IQSEC1: variants seen among roughly 807,000 people sequenced by gnomAD.
The protein encoded by IQSEC1 is IQ motif and SEC7 domain-containing protein 1.
Under a neutral mutation model 91.0 loss-of-function variants are expected in IQSEC1, and 31 were observed. The ratio of observed to expected loss-of-function variants is 0.34; its 90% CI spans 0.26 to 0.46. The LOEUF (loss-of-function observed/expected upper bound fraction) is 0.46. Ranked by LOEUF, IQSEC1 falls within the 20% of genes least tolerant of loss-of-function variation. The pLI is 1.00. For synonymous variants in IQSEC1, 699 were observed against 662.6 expected (o/e 1.05, Z -0.84); for missense variants, 1,388 against 1,575.6 (o/e 0.88, Z 2.02).
rs756743142 is a variant in IQSEC1 at position 12,908,879 on chromosome 3, AGGAGTAGACCTGGAGCCAG to A, written c.2579-373_2579-355del. On this transcript the variant is annotated intron_variant, in intron 11 of 13. Transcript: ENST00000613206. The surrounding 1 kb of genome is among the most constrained non-coding windows in gnomAD (Gnocchi z 4.9). ...TGGTAGGGAGTCCCATGTGCCTCCA[AGGAGTAGACCTGGAGCCAG>A]GGAGTAGACCTGGAGCCAGGGATGG... is the stretch of plus-strand genomic sequence containing the variant. Among the ~76,000 whole-genome samples the A allele has an allele frequency of 1.4e-4, 22 of 152,004 alleles. No homozygotes were observed. Among genetic ancestry groups the A allele is most frequent in the Middle Eastern group, 3.4e-3 (1 of 294 alleles).
At chr3:13,003,825 A>G (rs1379259896) in intron 1 of IQSEC1, among the ~76,000 whole-genome samples, 1 of 152,222 alleles carries the variant, frequency 6.6e-6, no homozygotes, top group African/African-American at 2.4e-5. Context: ...GTTATGTAAG[A>G]GAATGTCCTT....
At chr3:12,950,170 C>T (rs967009397) in intron 1 of IQSEC1, among the ~76,000 whole-genome samples, 1 of 152,212 alleles carries the variant, frequency 6.6e-6, no homozygotes, top group Non-Finnish European at 1.5e-5. Context: ...AAAATGGAGG[C>T]TCAAGAAGGG....
At position 12,899,308 on chromosome 3, in the gene IQSEC1, CAG is replaced by C. The variant is rs766421745; in HGVS notation, c.*1673_*1674del. The C allele has an allele frequency of 2.4e-5, 36 of 1,501,664 alleles. No individual in the cohort carries two copies. Among genetic ancestry groups the C allele is most frequent in the East Asian group, 9.5e-5 (4 of 42,220 alleles). 93.0% of individuals were successfully genotyped at this position (1,501,664 alleles called of 1,614,324 possible). ...ACTGGGAACGCGGCCCCGCGGCCCG[CAG>C]AGTCAGGCGTGAGCTTCGCCCTTTC... On this transcript the variant is annotated 3_prime_UTR_variant, in exon 14 of 14. Coordinates refer to ENST00000613206, the MANE Select transcript of IQSEC1 (RefSeq NM_001134382.3).
Position 12,994,962 on chromosome 3 carries a change from G to A in IQSEC1, c.24-53097C>T, listed in dbSNP as rs558110964. On this transcript the variant is annotated intron_variant, in intron 1 of 13. Transcript: ENST00000613206. The surrounding 1 kb of genome is among the most constrained non-coding windows in gnomAD (Gnocchi z 4.5). The stretch of plus-strand genomic sequence containing the variant: ...ATATGGGCGGGAGCGCGCCCGCGGG[G>A]GTGCACCTAAGGAGAAAGCGAGGAC... The A allele has an allele frequency of 4.6e-5, 7 of 152,438 alleles. No individual in the cohort carries two copies. The highest frequency in any genetic ancestry group is 1.7e-4 in the African/African-American group (7 of 41,482). The allele number at this position is 152,438 out of a possible 1,614,324, so 9.4% of individuals were successfully genotyped here.
Position 13,063,142 on chromosome 3 carries a change from C to T in IQSEC1, c.23+9850G>A, listed in dbSNP as rs150772649. On this transcript the variant is annotated intron_variant, in intron 1 of 13. Coordinates refer to ENST00000613206, the MANE Select transcript of IQSEC1 (RefSeq NM_001134382.3). ...GGCAGTCTAGTGGGCAAAGCCTGGC[C>T]CCTCAGAGAGCCGACACCACGCCCA... is the stretch of plus-strand genomic sequence containing the variant. Among the ~76,000 whole-genome samples, 887 of 152,302 alleles carry T rather than the reference C, an allele frequency of 5.8e-3. 14 individuals are homozygous for T. The highest frequency in any genetic ancestry group is 0.02 in the African/African-American group (825 of 41,550).
At chr3:12,934,740 C>T (rs1012870727) in intron 3 of IQSEC1, among the ~76,000 whole-genome samples, 1 of 152,156 alleles carries the variant, frequency 6.6e-6, no homozygotes, top group Non-Finnish European at 1.5e-5. Context: ...TAAGAATAGT[C>T]TGCTTTAAAT....
intron 1 of IQSEC1, chr3:12,987,103 G>A: frequency 3.1e-6 from 1 of 327,258 alleles, no homozygotes; most frequent in East Asian, 1.1e-4. Context: ...GGCCAGTGCG[G>A]GTCATAAACC....
chr3:12,913,004 C>A (rs1208613022), intron 9 of IQSEC1, among the ~76,000 whole-genome samples: 1 of 152,344 alleles, frequency 6.6e-6, no homozygotes, highest in East Asian at 1.9e-4. Flanking sequence ...GGATGTGCAG[C>A]GACAAGCGCT....
Position 13,165,267 on chromosome 3 carries a change from C to A in IQSEC1, c.273-1134G>T, listed in dbSNP as rs150390054. 1.4e-3 allele frequency among the ~76,000 whole-genome samples: 216 copies of A among 152,210 alleles called. 2 individuals carry two copies. Among genetic ancestry groups the A allele is most frequent in the Middle Eastern group, 6.8e-3 (2 of 294 alleles). ...TGCACAGCAACTTGGATCACATGGT[C>A]CCCACGGCAGCAGGTGAAGTGGTGA... On this transcript the variant is annotated intron_variant, in intron 1 of 15. Coordinates refer to the IQSEC1 transcript ENST00000648114.
chr3:13,037,806 G>C (rs1039296287), intron 1 of IQSEC1, among the ~76,000 whole-genome samples: 1 of 152,136 alleles, frequency 6.6e-6, no homozygotes, highest in African/African-American at 2.4e-5. Flanking sequence ...GAGGTCCCCA[G>C]AGCAGTGAAA....
In IQSEC1 at chr3:13,280,134, G is replaced by C. The variant is rs113588113; in HGVS notation, c.272+2577C>G. Among the ~76,000 whole-genome samples, 1,294 of 152,290 alleles carry C rather than the reference G, an allele frequency of 8.5e-3. 26 individuals are homozygous for C. The highest frequency in any genetic ancestry group is 0.028 in the African/African-American group (1,179 of 41,548). On this transcript the variant is annotated intron_variant, in intron 1 of 15. Transcript: ENST00000648114. ...TGCATTTCAGAAAACCTGAGGCTACGAGGGGTAGTATGACTTGTCCCATGG... is the reference window on the plus strand; with the variant it reads ...TGCATTTCAGAAAACCTGAGGCTACCAGGGGTAGTATGACTTGTCCCATGG...
rs369244320 is a variant in IQSEC1, at chr3:12,935,429, G to A, written c.1568+19C>T. 2.5e-6 allele frequency: 4 copies of A among 1,593,258 alleles called. No homozygotes were observed. The African/African-American group carries it at 4.0e-5, about 16-fold the overall frequency. On this transcript the variant is annotated intron_variant, in intron 3 of 13. Transcript: ENST00000613206. This position sits in a 1 kb window ranked among gnomAD's most constrained non-coding sequence, Gnocchi z 8.0. Reference sequence around the variant, plus strand: ...CAAGCCACAGCTGCCCACCCTGAGGGGTCACCCATGGTACTCACTTGTTGA... The same window carrying A: ...CAAGCCACAGCTGCCCACCCTGAGGAGTCACCCATGGTACTCACTTGTTGA...
intron 1 of IQSEC1, among the ~76,000 whole-genome samples, chr3:13,256,576 C>T (rs1178687034): frequency 2.6e-5 from 4 of 152,152 alleles, no homozygotes; most frequent in Non-Finnish European, 5.9e-5. Context: ...AAGAGCCACA[C>T]CCTCCTGAGC....
rs141572608 is a variant in IQSEC1 at position 13,246,520 on chromosome 3, G to A, written c.272+36191C>T. On this transcript the variant is annotated intron_variant, in intron 1 of 15. Transcript: ENST00000648114. ...GAAAATGGTAAATTTTATGTGAAGC[G>A]TATTTTGCCACAATGAAAAACAAAA... Among the ~76,000 whole-genome samples the A allele has an allele frequency of 4.5e-3, 689 of 152,210 alleles. 6 individuals carry two copies. The highest frequency in any genetic ancestry group is 0.016 in the African/African-American group (647 of 41,512).
intron 7 of IQSEC1, 22 bp downstream of exon 7, chr3:12,915,571 AC>A: frequency 6.2e-7 from 1 of 1,610,064 alleles, no homozygotes; most frequent in South Asian, 1.1e-5. Context: ...GGGGCCCACC[AC>A]GTACCAGGGC....
At chr3:13,041,428 C>T (rs990452306) in intron 1 of IQSEC1, among the ~76,000 whole-genome samples, 2 of 152,216 alleles carry the variant, frequency 1.3e-5, no homozygotes, top group African/African-American at 4.8e-5. Context: ...AGAAGAAAAG[C>T]TCCCACACTT....
At chr3:13,034,922 C>T (rs927096324) in intron 1 of IQSEC1, among the ~76,000 whole-genome samples, 9 of 152,268 alleles carry the variant, frequency 5.9e-5, no homozygotes, top group Admixed American at 4.6e-4. Flanking sequence ...TCCCAGGGAT[C>T]GGCCTCGCCC....
intron 2 of IQSEC1, among the ~76,000 whole-genome samples, chr3:13,128,996 T>C (rs905736651): frequency 1.3e-5 from 2 of 152,084 alleles, no homozygotes; most frequent in African/African-American, 2.4e-5. Context: ...GCAGACATCA[T>C]AGAATGAGTT....
intron 1 of IQSEC1, among the ~76,000 whole-genome samples, chr3:12,949,729 C>T (rs1346792953): frequency 6.6e-6 from 1 of 152,090 alleles, no homozygotes; most frequent in African/African-American, 2.4e-5. Context: ...ATGCCCCCGT[C>T]TCGGGGAGGG....
Sources: allele counts gnomAD v4.1 joint callset (sites outside exome capture counted in the v4.1 genomes callset), GRCh38; gene constraint gnomAD v4.1.1; non-coding constraint Gnocchi (gnomAD v3.1); transcripts MANE v1.5; gene names NCBI Gene and HGNC (gene_info 2026-07-23, HGNC 2026-07-21).